The following VSTM2L variants were observed in gnomAD, a reference collection of about 807,000 sequenced individuals.
VSTM2L encodes the protein V-set and transmembrane domain-containing protein 2-like protein.
A neutral mutation model predicts 19.9 loss-of-function variants in VSTM2L; 9 were observed. That is an observed-to-expected ratio of 0.45 (90% CI 0.27 to 0.79). The LOEUF is 0.79. VSTM2L is among the 30% of genes least tolerant of loss of function. The probability of loss-of-function intolerance (pLI) is 0.15; values close to 1 mark genes in which losing one functional copy is unlikely to be tolerated. For missense variants in VSTM2L, 286 were observed against 295.5 expected, an observed-to-expected ratio of 0.97 and a Z score of 0.24; for synonymous variants, 127 against 133.8, an observed-to-expected ratio of 0.95 and a Z score of 0.35.
At chr20:37,927,711 G>A (rs2072886385) in intron 1 of VSTM2L, among the ~76,000 whole-genome samples, 1 of 152,222 alleles carries the variant, frequency 6.6e-6, no homozygotes, top group South Asian at 2.1e-4. Flanking sequence ...CAGGGGCGGG[G>A]GGGCCGTGGG....
At chr20:37,931,438 C>T (rs2072908192) in intron 1 of VSTM2L, among the ~76,000 whole-genome samples, 197 bp from the exon 2 acceptor site, 1 of 152,180 alleles carries the variant, frequency 6.6e-6, no homozygotes, top group African/African-American at 2.4e-5. Context: ...TGCACACACC[C>T]TTGGCCTGCC....
chr20:37,932,909 C>T (rs6013474), intron 2 of VSTM2L, among the ~76,000 whole-genome samples: 44,126 of 152,182 alleles, frequency 0.29, 6,566 homozygotes, highest in Admixed American at 0.32. Context: ...TCCCCATGTT[C>T]ATGAAAGAGT....
chr20:37,905,879 T>G (rs2072749552), intron 1 of VSTM2L, among the ~76,000 whole-genome samples: 1 of 152,050 alleles, frequency 6.6e-6, no homozygotes, highest in African/African-American at 2.4e-5. Flanking sequence ...TAATAAGCTA[T>G]TTGTGTTCAG....
intron 1 of VSTM2L, among the ~76,000 whole-genome samples, chr20:37,915,634 G>A (rs2072814154): frequency 6.6e-6 from 1 of 152,100 alleles, no homozygotes; most frequent in African/African-American, 2.4e-5. Flanking sequence ...TTGAGGAGGT[G>A]CAGTTGGGTT....
chr20:37,914,951 G>C (rs1040907465), intron 1 of VSTM2L, among the ~76,000 whole-genome samples: 6 of 152,188 alleles, frequency 3.9e-5, no homozygotes, highest in Admixed American at 3.9e-4. Flanking sequence ...AGCTGACGGC[G>C]GGGTGTCTGT....
At chr20:37,909,407 C>T (rs1053963559) in intron 1 of VSTM2L, among the ~76,000 whole-genome samples, 6 of 152,100 alleles carry the variant, frequency 3.9e-5, no homozygotes, top group South Asian at 2.1e-4. Context: ...ACACTGGGGT[C>T]AGATTCCCTT....
In VSTM2L at chr20:37,944,324, G is replaced by C; in HGVS notation, c.*71G>C. ...TGCATGAGGAGCCGCCGGACCACCG[G>C]GGACCGACTGCCTGCGTCCAGCCGC... On this transcript the variant is annotated 3_prime_UTR_variant, in exon 4 of 4. Transcript: ENST00000373461. The C allele has an allele frequency of 1.9e-5, 26 of 1,349,254 alleles. No homozygotes were observed. Among genetic ancestry groups the C allele is most frequent in the Non-Finnish European group, 2.3e-5 (24 of 1,036,608 alleles). 83.6% of individuals were successfully genotyped at this position (1,349,254 alleles called of 1,614,324 possible).
At chr20:37,932,401 G>C (rs1405833208) in intron 2 of VSTM2L, among the ~76,000 whole-genome samples, 3 of 152,030 alleles carry the variant, frequency 2.0e-5, no homozygotes, top group Non-Finnish European at 4.4e-5. Flanking sequence ...CAGCTCCTCT[G>C]GCTCTGCTTG....
At position 37,903,338 on chromosome 20, in the gene VSTM2L, C is replaced by G. The variant is rs1266485534; in HGVS notation, c.-13C>G. ...GATGTGAGGCGGCGGCGCCCCCGGC[C>G]CGAGAGCGCACGATGGGGGCCCCGC... On this transcript the variant is annotated 5_prime_UTR_variant, in exon 1 of 4. Transcript: ENST00000373461. The G allele has an allele frequency of 6.9e-7, 1 of 1,448,554 alleles. No homozygotes were observed. Among genetic ancestry groups the G allele is most frequent in the Admixed American group, 2.7e-5 (1 of 36,600 alleles). 89.7% of individuals were successfully genotyped at this position (1,448,554 alleles called of 1,614,324 possible). A position where few individuals can be genotyped will look rare whatever the true frequency, so the allele number is the denominator to read the frequency against.
chr20:37,913,548 T>A (rs374649228), intron 1 of VSTM2L, among the ~76,000 whole-genome samples: 1 of 152,114 alleles, frequency 6.6e-6, no homozygotes, highest in East Asian at 1.9e-4. Flanking sequence ...GAAGAGATAA[T>A]GGGGGACTCT....
chr20:37,905,219 G>A (rs974879118), intron 1 of VSTM2L, among the ~76,000 whole-genome samples: 3 of 152,070 alleles, frequency 2.0e-5, no homozygotes, highest in African/African-American at 7.2e-5. Context: ...TGGCACAGTT[G>A]GAACTTACAC....
At chr20:37,924,676 T>TCAGCAG (rs35987672) in intron 1 of VSTM2L, among the ~76,000 whole-genome samples, 4 of 151,592 alleles carry the variant, frequency 2.6e-5, no homozygotes, top group East Asian at 1.9e-4. Flanking sequence ...ATCATCATAA[T>TCAGCAG]CAGCAGCAGC....
intron 1 of VSTM2L, among the ~76,000 whole-genome samples, chr20:37,930,043 T>A (rs931565691): frequency 1.3e-5 from 2 of 152,192 alleles, no homozygotes; most frequent in Non-Finnish European, 2.9e-5. Flanking sequence ...AGGCCTTGTT[T>A]ACAGAACAGC....
At chr20:37,905,657 G>A (rs1203915064) in intron 1 of VSTM2L, among the ~76,000 whole-genome samples, 1 of 152,094 alleles carries the variant, frequency 6.6e-6, no homozygotes, top group Non-Finnish European at 1.5e-5. Context: ...AAGAAACAAA[G>A]AAGCCAGGCT....
chr20:37,920,711 T>C (rs1049858401), intron 1 of VSTM2L, among the ~76,000 whole-genome samples: 4 of 152,220 alleles, frequency 2.6e-5, no homozygotes, highest in African/African-American at 7.2e-5. Context: ...TCCACATGTC[T>C]GTCCCTATCC....
chr20:37,919,118 T>G (rs1040388797), intron 1 of VSTM2L, among the ~76,000 whole-genome samples: 1 of 152,048 alleles, frequency 6.6e-6, no homozygotes, highest in Non-Finnish European at 1.5e-5. Context: ...TGGCTTAGGG[T>G]AGGGGGTCCA....
chr20:37,918,571 C>T (rs1009953427), intron 1 of VSTM2L, among the ~76,000 whole-genome samples: 3 of 152,096 alleles, frequency 2.0e-5, no homozygotes, highest in Non-Finnish European at 2.9e-5. Flanking sequence ...TCATTTATGG[C>T]GGTAATAAAA....
In VSTM2L at chr20:37,944,227, G is replaced by A; in HGVS notation, c.589G>A (p.Val197Met). Residue 197 changes from valine to methionine, a missense_variant, in exon 4 of 4, where the codon GTG becomes ATG. Val to Met is a conservative substitution (Grantham distance 21, BLOSUM62 1). Coordinates refer to ENST00000373461, the MANE Select transcript of VSTM2L (RefSeq NM_080607.3). ...KPGKELRKRS[V>M]DQEACSL Reference sequence around the variant, plus strand: ...AGGCAAGGAGCTGAGGAAGCGCTCGGTGGACCAGGAGGCCTGCAGCCTCTA... The same window carrying A: ...AGGCAAGGAGCTGAGGAAGCGCTCGATGGACCAGGAGGCCTGCAGCCTCTA... 1 of 1,519,660 alleles carries A rather than the reference G, an allele frequency of 6.6e-7. No homozygotes were observed. The highest frequency in any genetic ancestry group is 8.9e-7 in the Non-Finnish European group (1 of 1,128,628). The allele number at this position is 1,519,660 out of a possible 1,614,324, so 94.1% of individuals were successfully genotyped here. A position where few individuals can be genotyped will look rare whatever the true frequency, so the allele number is the denominator to read the frequency against.
intron 1 of VSTM2L, among the ~76,000 whole-genome samples, chr20:37,928,469 G>T (rs2072890616): frequency 1.3e-5 from 2 of 152,182 alleles, no homozygotes; most frequent in Admixed American, 1.3e-4. Context: ...GCACTTATTG[G>T]CTGGGCGTGG....
Sources: allele counts gnomAD v4.1 joint callset (sites outside exome capture counted in the v4.1 genomes callset), GRCh38; gene constraint gnomAD v4.1.1; transcripts MANE v1.5; gene names NCBI Gene and HGNC (gene_info 2026-07-23, HGNC 2026-07-21).